Variants in TAFA4 observed in about 807,000 individuals in gnomAD.
TAFA4 encodes TAFA chemokine like family member 4, also known as chemokine-like protein TAFA-4.
TAFA4 carries 20 observed loss-of-function variants against 21.1 expected under a neutral mutation model. That is an observed-to-expected ratio of 0.95 (90% CI 0.67 to 1.38). TAFA4 has a LOEUF of 1.38. TAFA4 is among the 40% of genes most tolerant of loss of function. The pLI, the probability that TAFA4 is intolerant of heterozygous loss-of-function variation, is 0.00. For synonymous variants in TAFA4, 71 were observed against 67.4 expected (o/e 1.05, Z -0.26); for missense variants, 211 against 180.9 (o/e 1.17, Z -0.95).
intron 3 of TAFA4, among the ~76,000 whole-genome samples, chr3:68,813,934 C>T (rs1434181717): frequency 2.0e-5 from 3 of 152,062 alleles, no homozygotes; most frequent in East Asian, 3.8e-4. Flanking sequence ...ACTGGCAAAC[C>T]GAATCCAGCA....
chr3:68,761,914 T>C lies in TAFA4; in HGVS notation c.131-8896A>G, dbSNP rs538078708. 3.1e-3 allele frequency among the ~76,000 whole-genome samples: 470 copies of C among 152,226 alleles called. 3 individuals carry two copies. The highest frequency in any genetic ancestry group is 0.011 in the African/African-American group (458 of 41,540). On this transcript the variant is annotated intron_variant, in intron 3 of 5. Coordinates refer to ENST00000295569, the MANE Select transcript of TAFA4 (RefSeq NM_182522.5). The stretch of plus-strand genomic sequence containing the variant: ...AGAGGCTAACTCCAAAGTTTCGGGT[T>C]TGAACAAGAATGGAGTCGTCCCTTA...
intron 3 of TAFA4, among the ~76,000 whole-genome samples, chr3:68,814,417 G>A (rs558117599): frequency 6.6e-6 from 1 of 152,050 alleles, no homozygotes; most frequent in East Asian, 1.9e-4. Context: ...TCTAGAAAAC[G>A]CCATTGTCTC....
At chr3:68,763,205 T>TAG in intron 3 of TAFA4, among the ~76,000 whole-genome samples, 1 of 152,272 alleles carries the variant, frequency 6.6e-6, no homozygotes, top group South Asian at 2.1e-4. Context: ...GAGAGACCTT[T>TAG]AGGAAAATTG....
intron 1 of TAFA4, among the ~76,000 whole-genome samples, chr3:68,890,145 A>C (rs2089716137): frequency 6.6e-6 from 1 of 152,232 alleles, no homozygotes; most frequent in Admixed American, 6.5e-5. Context: ...GACTTTAAGA[A>C]AACATGAGCG....
chr3:68,865,833 C>T (rs1196768600), intron 3 of TAFA4, among the ~76,000 whole-genome samples: 2 of 152,022 alleles, frequency 1.3e-5, no homozygotes, highest in Non-Finnish European at 2.9e-5. Context: ...CTGAGATGTT[C>T]CCTGAAACCA....
intron 3 of TAFA4, among the ~76,000 whole-genome samples, chr3:68,769,022 C>CTCGG (rs1015580522): frequency 5.3e-5 from 8 of 152,138 alleles, no homozygotes; most frequent in South Asian, 4.1e-4. Context: ...TGTTCCATTG[C>CTCGG]AGGGGTCCCC....
At chr3:68,892,260 G>C (rs1364699991) in intron 1 of TAFA4, among the ~76,000 whole-genome samples, 1 of 152,096 alleles carries the variant, frequency 6.6e-6, no homozygotes, top group Non-Finnish European at 1.5e-5. Flanking sequence ...CATCAGTGAA[G>C]AATTTACTAC....
At chr3:68,770,513 C>G (rs1312997463) in intron 3 of TAFA4, among the ~76,000 whole-genome samples, 1 of 152,208 alleles carries the variant, frequency 6.6e-6, no homozygotes, top group East Asian at 1.9e-4. Flanking sequence ...AGCAGAAGCT[C>G]TCTTAACCAG....
chr3:68,865,694 C>T, intron 3 of TAFA4, among the ~76,000 whole-genome samples: 1 of 152,058 alleles, frequency 6.6e-6, no homozygotes, highest in East Asian at 1.9e-4. Context: ...AATGCAGTGG[C>T]TATACATAGA....
At chr3:68,874,618 C>T (rs1361437683) in intron 3 of TAFA4, among the ~76,000 whole-genome samples, 3 of 152,092 alleles carry the variant, frequency 2.0e-5, no homozygotes, top group Non-Finnish European at 4.4e-5. Flanking sequence ...TAAGGAGAAT[C>T]TTTTCCCAAA....
chr3:68,840,566 A>G (rs1355674783), intron 3 of TAFA4, among the ~76,000 whole-genome samples: 3 of 152,192 alleles, frequency 2.0e-5, no homozygotes, highest in Non-Finnish European at 4.4e-5. Context: ...CCTGAGAAAT[A>G]CTTAAGAAAT....
chr3:68,752,608 G>A (rs762038992), intron 4 of TAFA4, among the ~76,000 whole-genome samples: 1 of 152,164 alleles, frequency 6.6e-6, no homozygotes, highest in Non-Finnish European at 1.5e-5. Context: ...AGACAGGTGG[G>A]TAAAAGGAAT....
At chr3:68,912,830 A>G (rs1194444103) in intron 1 of TAFA4, among the ~76,000 whole-genome samples, 1 of 152,236 alleles carries the variant, frequency 6.6e-6, no homozygotes, top group East Asian at 1.9e-4. Flanking sequence ...AGTCAAAAGG[A>G]AAAAACTGAG....
At chr3:68,897,473 A>T (rs747752333) in intron 1 of TAFA4, among the ~76,000 whole-genome samples, 1 of 151,906 alleles carries the variant, frequency 6.6e-6, no homozygotes, top group Non-Finnish European at 1.5e-5. Context: ...TAAAAATACA[A>T]AAATTAGCCG....
rs149113907 is a variant in TAFA4, at chr3:68,752,875, A to C, written c.274T>G (p.Ser92Ala). The C allele has an allele frequency of 1.1e-4, 185 of 1,614,022 alleles. 2 individuals are homozygous for C. In the African/African-American group the frequency reaches 2.1e-3, roughly 18 times the overall value. The stretch of plus-strand genomic sequence containing the variant: ...AGAGAGGTCTTACCTTCAACACAAG[A>C]AGGTTGAGCCCGAGTTGTGCCCGCC... ...QVAGTTRAQP[S>A]CVEASIVIQK... Residue 92 changes from serine to alanine, a missense_variant, in exon 4 of 6, where the codon TCT becomes GCT. Coordinates refer to ENST00000295569, the MANE Select transcript of TAFA4 (RefSeq NM_182522.5).
At chr3:68,885,811 G>C (rs1414259806) in intron 1 of TAFA4, among the ~76,000 whole-genome samples, 1 of 152,126 alleles carries the variant, frequency 6.6e-6, no homozygotes, top group African/African-American at 2.4e-5. Flanking sequence ...AATATTAATA[G>C]GACACCAAGA....
intron 3 of TAFA4, among the ~76,000 whole-genome samples, chr3:68,797,045 G>A (rs1194438701): frequency 6.6e-6 from 1 of 152,132 alleles, no homozygotes; most frequent in Non-Finnish European, 1.5e-5. Flanking sequence ...GTGCACTGCT[G>A]GCAGAAATGT....
chr3:68,767,857 A>AT (rs1385640935), intron 3 of TAFA4, among the ~76,000 whole-genome samples: 1 of 151,954 alleles, frequency 6.6e-6, no homozygotes, highest in Non-Finnish European at 1.5e-5. Context: ...ACAAGAATTG[A>AT]TTCCTTTGCA....
chr3:68,832,081 A>G (rs535462707), intron 3 of TAFA4, among the ~76,000 whole-genome samples: 42 of 152,260 alleles, frequency 2.8e-4, no homozygotes, highest in Middle Eastern at 3.4e-3. Context: ...CCATTTGTCT[A>G]ACCTTTTTTC....
Sources: gnomAD v4.1 joint callset for allele counts (sites outside exome capture counted in the v4.1 genomes callset) on GRCh38, gnomAD v4.1.1 for gene constraint, MANE v1.5 for transcripts, NCBI Gene and HGNC (gene_info 2026-07-23, HGNC 2026-07-21) for gene names.